The following XPR1 variants were observed in gnomAD, a reference collection of about 807,000 sequenced individuals.
XPR1 encodes xenotropic and polytropic retrovirus receptor 1, also known as solute carrier family 53 member 1.
A neutral mutation model predicts 87.5 loss-of-function variants in XPR1; 28 were observed. The ratio of observed to expected loss-of-function variants is 0.32; its 90% CI spans 0.24 to 0.44. The LOEUF (loss-of-function observed/expected upper bound fraction) is 0.44. Ranked by LOEUF, XPR1 falls within the 20% of genes least tolerant of loss-of-function variation. The probability of loss-of-function intolerance (pLI) is 1.00; values close to 1 mark genes in which losing one functional copy is unlikely to be tolerated. For missense variants in XPR1, 559 were observed against 862.3 expected, an observed-to-expected ratio of 0.65 and a Z score of 4.41; for synonymous variants, 300 against 306.1, an observed-to-expected ratio of 0.98 and a Z score of 0.21.
chr1:180,786,436 A>G (rs1290086739), intron 2 of XPR1, among the ~76,000 whole-genome samples: 2 of 152,118 alleles, frequency 1.3e-5, no homozygotes, highest in Admixed American at 6.5e-5. Context: ...CTTTTTCTAC[A>G]CTTTTCAATC....
intron 2 of XPR1, among the ~76,000 whole-genome samples, chr1:180,715,598 G>A (rs1466282192): frequency 2.0e-5 from 3 of 152,050 alleles, no homozygotes. Context: ...ATTATAGGAG[G>A]TCTTGAAATT....
At chr1:180,642,569 G>A (rs1160964965) in intron 1 of XPR1, among the ~76,000 whole-genome samples, 1 of 152,096 alleles carries the variant, frequency 6.6e-6, no homozygotes, top group East Asian at 1.9e-4. Flanking sequence ...CTGAGTCTGA[G>A]ATGAAATAGA....
At chr1:180,677,389 A>G (rs1656402306) in intron 1 of XPR1, among the ~76,000 whole-genome samples, 1 of 152,208 alleles carries the variant, frequency 6.6e-6, no homozygotes, top group South Asian at 2.1e-4. Flanking sequence ...GGTGGGTAGT[A>G]AGCCAGTAAA....
intron 1 of XPR1, among the ~76,000 whole-genome samples, chr1:180,655,799 T>C (rs1246539828): frequency 6.6e-6 from 1 of 152,140 alleles, no homozygotes; most frequent in Non-Finnish European, 1.5e-5. Context: ...CCTTGATTAC[T>C]GAGTACCATC....
chr1:180,787,892 A>G, intron 3 of XPR1, 38 bp downstream of exon 3: 1 of 1,430,314 alleles, frequency 7.0e-7, no homozygotes. Flanking sequence ...GCTGCCGGGG[A>G]AGGATAAATT....
intron 2 of XPR1, among the ~76,000 whole-genome samples, chr1:180,766,855 C>T (rs1366352122): frequency 6.6e-6 from 1 of 152,068 alleles, no homozygotes; most frequent in Non-Finnish European, 1.5e-5. Flanking sequence ...ATTATTTTTG[C>T]TTCCTAACTC....
chr1:180,823,722 T>C (rs1173447464), intron 7 of XPR1, among the ~76,000 whole-genome samples: 1 of 152,210 alleles, frequency 6.6e-6, no homozygotes, highest in African/African-American at 2.4e-5. Context: ...GGCAATAGAA[T>C]GTAGTGCTTA....
intron 1 of XPR1, among the ~76,000 whole-genome samples, chr1:180,679,272 T>C (rs1216821550): frequency 6.6e-6 from 1 of 152,200 alleles, no homozygotes; most frequent in Admixed American, 6.5e-5. Context: ...GGTATTTATA[T>C]GCTTGAATAT....
intron 13 of XPR1, chr1:180,877,949 C>T (rs1652714088): frequency 6.6e-6 from 1 of 152,084 alleles, no homozygotes; most frequent in Non-Finnish European, 1.5e-5. Flanking sequence ...AAGTCAAGAT[C>T]GACAAACACT....
intron 11 of XPR1, among the ~76,000 whole-genome samples, chr1:180,843,114 A>C (rs1446270319): frequency 2.0e-5 from 3 of 152,180 alleles, no homozygotes; most frequent in Non-Finnish European, 4.4e-5. Flanking sequence ...TTGAGTGAGC[A>C]CACATAGTCC....
chr1:180,768,370 G>A (rs1195351587), intron 2 of XPR1, among the ~76,000 whole-genome samples: 3 of 152,164 alleles, frequency 2.0e-5, no homozygotes, highest in Non-Finnish European at 4.4e-5. Context: ...CAGAATTGAT[G>A]CTTCTGTAGG....
At chr1:180,649,434 A>AAAAAC (rs1655223937) in intron 1 of XPR1, among the ~76,000 whole-genome samples, 1 of 152,184 alleles carries the variant, frequency 6.6e-6, no homozygotes, top group African/African-American at 2.4e-5. Context: ...CTGTCTCAAA[A>AAAAAC]AAAAACAAAA....
rs34441510 is a variant in XPR1, at chr1:180,718,669, A to ATT, written c.121+36274_121+36275dup. 3.0e-3 allele frequency among the ~76,000 whole-genome samples: 404 copies of ATT among 134,812 alleles called. 7 individuals are homozygous for ATT. The highest frequency in any genetic ancestry group is 4.1e-3 in the Non-Finnish European group (259 of 63,416). 88.4% of individuals were successfully genotyped at this position (134,812 alleles called of 152,430 possible). On this transcript the variant is annotated intron_variant, in intron 2 of 14. Transcript: ENST00000367590. ...AGAATCTTGGGACTTGAGCATCTGT[A>ATT]TTTTTTTTTTTTTTTTTGAGACAGA...
intron 1 of XPR1, among the ~76,000 whole-genome samples, chr1:180,678,539 G>A (rs1656440286): frequency 6.6e-6 from 1 of 152,154 alleles, no homozygotes; most frequent in Admixed American, 6.5e-5. Context: ...TTCTGTATAA[G>A]TAGTGAATAT....
chr1:180,688,920 T>A (rs978604213), intron 2 of XPR1, among the ~76,000 whole-genome samples: 1 of 152,198 alleles, frequency 6.6e-6, no homozygotes, highest in Non-Finnish European at 1.5e-5. Flanking sequence ...TAGATATATA[T>A]AAATTACATG....
In XPR1 at chr1:180,781,387, G is replaced by T. The variant is rs970885142; in HGVS notation, c.122-6366G>T. Among the ~76,000 whole-genome samples, 14 of 152,020 alleles carry T rather than the reference G, an allele frequency of 9.2e-5. 1 individual carries two copies. The highest frequency in any genetic ancestry group is 3.4e-4 in the African/African-American group (14 of 41,492). On this transcript the variant is annotated intron_variant, in intron 2 of 14. Transcript: ENST00000367590. ...GAGAATAGTAATGAAAATTTGAATG[G>T]AACATTAAAGATATTTGATGGTGTT...
chr1:180,717,968 TA>T (rs1344312360), intron 2 of XPR1, among the ~76,000 whole-genome samples: 2 of 152,280 alleles, frequency 1.3e-5, no homozygotes, highest in East Asian at 3.9e-4. Context: ...ATATGAAGTT[TA>T]AAAAAATCTG....
chr1:180,867,011 G>C (rs1160035460), intron 12 of XPR1, among the ~76,000 whole-genome samples: 1 of 104,772 alleles, frequency 9.5e-6, no homozygotes. Context: ...CCCTTCCTGT[G>C]TCCATGTGAT....
chr1:180,661,896 A>C (rs1655792615), intron 1 of XPR1, among the ~76,000 whole-genome samples: 1 of 152,118 alleles, frequency 6.6e-6, no homozygotes, highest in African/African-American at 2.4e-5. Context: ...AAAACAACAA[A>C]AAAACCCTCG....
Sources: allele counts gnomAD v4.1 joint callset (sites outside exome capture counted in the v4.1 genomes callset), GRCh38; gene constraint gnomAD v4.1.1; transcripts MANE v1.5; gene names NCBI Gene and HGNC (gene_info 2026-07-23, HGNC 2026-07-21).